URAD: variants seen among roughly 807,000 people sequenced by gnomAD.
URAD encodes the protein ureidoimidazoline (2-oxo-4-hydroxy-4-carboxy-5-) decarboxylase.
Under a neutral mutation model 4.6 loss-of-function variants are expected in URAD, and 4 were observed. The observed-to-expected ratio is 0.87, with a 90% CI of 0.43 to 1.98. URAD has a LOEUF of 1.98. Among genes scored for constraint, URAD ranks in the 30% most tolerant of loss-of-function variants. The probability of loss-of-function intolerance (pLI) is 0.03; values close to 1 mark genes in which losing one functional copy is unlikely to be tolerated. For missense variants in URAD, 300 were observed against 255.3 expected, an observed-to-expected ratio of 1.18 and a Z score of -1.19; for synonymous variants, 144 against 118.2, an observed-to-expected ratio of 1.22 and a Z score of -1.41.
Position 27,977,888 on chromosome 13 carries a change from C to CG in URAD, c.*217_*218insC, listed in dbSNP as rs1335514689. The CG allele has an allele frequency of 2.0e-6, 1 of 490,672 alleles. No homozygotes were observed. Among genetic ancestry groups the CG allele is most frequent in the African/African-American group, 2.0e-5 (1 of 48,784 alleles). 30.4% of individuals were successfully genotyped at this position (490,672 alleles called of 1,614,324 possible). A position where few individuals can be genotyped will look rare whatever the true frequency, so the allele number is the denominator to read the frequency against. The stretch of plus-strand genomic sequence containing the variant: ...TGAGCTGGATAAATCCGGGGCAAAG[C>CG]ACTAAACAATATGGATATTTTGGCA... On this transcript the variant is annotated 3_prime_UTR_variant, in exon 2 of 2. Coordinates refer to ENST00000332715, the MANE Select transcript of URAD (RefSeq NM_001105577.2).
chr13:27,978,439 G>C lies in URAD; in HGVS notation c.189C>G (p.Ile63Met). ...CCGCCAGGTCCGGGTGGCAGCGCAGGATGCCCTCCTGGCCTGCGGAGAAGC... is the reference window on the plus strand; with the variant it reads ...CCGCCAGGTCCGGGTGGCAGCGCAGCATGCCCTCCTGGCCTGCGGAGAAGC... ...DALAQSGQEGILRCHPDLAGS... is the reference protein window; with the variant it reads ...DALAQSGQEGMLRCHPDLAGS... The change falls in exon 2 of 2, where the codon ATC (isoleucine) becomes ATG (methionine). Residue 63 changes from isoleucine (I) to methionine (M), a missense_variant. By Grantham distance (10) the Ile-to-Met change is conservative. Coordinates refer to ENST00000332715, the MANE Select transcript of URAD (RefSeq NM_001105577.2). 7.3e-7 allele frequency: 1 copy of C among 1,362,842 alleles called. No homozygotes were observed. Among genetic ancestry groups the C allele is most frequent in the South Asian group, 1.8e-5 (1 of 55,620 alleles). The allele number at this position is 1,362,842 out of a possible 1,614,324, so 84.4% of individuals were successfully genotyped here.
intron 1 of URAD, among the ~76,000 whole-genome samples, chr13:27,979,244 A>G (rs1218137804): frequency 6.6e-6 from 1 of 152,156 alleles, no homozygotes; most frequent in Non-Finnish European, 1.5e-5. Context: ...TGTAGATCCC[A>G]GAGGCCCCAG....
chr13:27,983,597 CTTAAA>C (rs1176289442), intron 1 of URAD, among the ~76,000 whole-genome samples: 1 of 152,124 alleles, frequency 6.6e-6, no homozygotes, highest in Non-Finnish European at 1.5e-5. Context: ...TGGTCTTAAA[CTTAAA>C]TTAACCTCCT....
chr13:27,979,450 G>A (rs1474147697), intron 1 of URAD, among the ~76,000 whole-genome samples: 1 of 152,208 alleles, frequency 6.6e-6, no homozygotes, highest in African/African-American at 2.4e-5. Flanking sequence ...TGAGCAGGGC[G>A]CTATGATTTG....
chr13:27,983,480 C>A (rs907278845), intron 1 of URAD, among the ~76,000 whole-genome samples: 6 of 152,126 alleles, frequency 3.9e-5, no homozygotes, highest in African/African-American at 1.4e-4. Flanking sequence ...CCATCTGCCT[C>A]ATCCTCCCAA....
intron 1 of URAD, among the ~76,000 whole-genome samples, chr13:27,986,908 C>T (rs1170574670): frequency 6.6e-6 from 1 of 152,154 alleles, no homozygotes; most frequent in Non-Finnish European, 1.5e-5. Flanking sequence ...AGTCAAGGGT[C>T]AGAAAGCTCC....
At chr13:27,988,255 CG>C (rs74605733) in intron 1 of URAD, among the ~76,000 whole-genome samples, 36,952 of 152,022 alleles carry the variant, frequency 0.24, 5,741 homozygotes, top group South Asian at 0.59. Context: ...CCAACACGCC[CG>C]GCCTAAAAGC....
intron 1 of URAD, among the ~76,000 whole-genome samples, chr13:27,981,622 A>G (rs1269713743): frequency 6.6e-6 from 1 of 152,168 alleles, no homozygotes; most frequent in Admixed American, 6.5e-5. Flanking sequence ...ATGGAAGCTC[A>G]GAATCCCGTA....
intron 1 of URAD, 126 bp downstream of exon 1, chr13:27,988,337 C>T: frequency 1.1e-6 from 1 of 909,708 alleles, no homozygotes; most frequent in East Asian, 2.8e-5. Flanking sequence ...AGTGATCCTC[C>T]CATCTCAGCC....
At chr13:27,980,842 C>G (rs997306074) in intron 1 of URAD, among the ~76,000 whole-genome samples, 6 of 151,914 alleles carry the variant, frequency 3.9e-5, no homozygotes, top group Admixed American at 3.3e-4. Flanking sequence ...GAGTTTGTCT[C>G]CCGCTTGGAA....
rs1322119854 is a variant in URAD at position 27,980,700 on chromosome 13, C to G, written c.176-2248G>C. The stretch of plus-strand genomic sequence containing the variant: ...GAGGTCCGGGCGCGGGGTCTGTCGT[C>G]TTGCCGCCCCCACCAGGCTCCCCGC... On this transcript the variant is annotated intron_variant, in intron 1 of 1. Transcript: ENST00000332715. Among the ~76,000 whole-genome samples, 3 of 152,192 alleles carry G rather than the reference C, an allele frequency of 2.0e-5. No homozygotes were observed. In the East Asian group the frequency reaches 5.8e-4, roughly 30 times the overall value.
Position 27,978,333 on chromosome 13 carries a change from C to G in URAD, c.295G>C (p.Asp99His). 1 of 1,395,022 alleles carries G rather than the reference C, an allele frequency of 7.2e-7. No individual in the cohort carries two copies. 86.4% of individuals were successfully genotyped at this position (1,395,022 alleles called of 1,614,324 possible). ...SGAGLRSLGADERLRLAELNA... is the reference protein window; with the variant it reads ...SGAGLRSLGAHERLRLAELNA... ...AGCTCGGCCAGCCGCAGCCGCTCGTCCGCGCCCAGGCTCCTCAGGCCTGCG... is the reference window on the plus strand; with the variant it reads ...AGCTCGGCCAGCCGCAGCCGCTCGTGCGCGCCCAGGCTCCTCAGGCCTGCG... Residue 99 changes from aspartate (D) to histidine (H), a missense_variant, in exon 2 of 2, where the codon GAC becomes CAC. Physicochemically the swap from Asp to His is moderately conservative, Grantham distance 81 (BLOSUM62 -1). Coordinates refer to ENST00000332715, the MANE Select transcript of URAD (RefSeq NM_001105577.2).
At chr13:27,985,970 A>G (rs960653297) in intron 1 of URAD, among the ~76,000 whole-genome samples, 1 of 152,188 alleles carries the variant, frequency 6.6e-6, no homozygotes, top group African/African-American at 2.4e-5. Flanking sequence ...CACCATTGAT[A>G]ACATCACTTG....
At chr13:27,979,568 A>G (rs1459936919) in intron 1 of URAD, among the ~76,000 whole-genome samples, 1 of 152,238 alleles carries the variant, frequency 6.6e-6, no homozygotes, top group African/African-American at 2.4e-5. Flanking sequence ...AGTCATTATT[A>G]GTTGTAGTAA....
intron 1 of URAD, among the ~76,000 whole-genome samples, chr13:27,987,532 A>C (rs1459897487): frequency 1.3e-5 from 2 of 152,156 alleles, no homozygotes; most frequent in Non-Finnish European, 2.9e-5. Context: ...GTGGTACAAA[A>C]GTCAGCCGAT....
At chr13:27,980,529 G>C (rs527937196) in intron 1 of URAD, among the ~76,000 whole-genome samples, 1 of 152,314 alleles carries the variant, frequency 6.6e-6, no homozygotes, top group East Asian at 1.9e-4. Flanking sequence ...AGTCTTGGGC[G>C]GCTGGACCTT....
At chr13:27,982,821 G>C (rs1712567497) in intron 1 of URAD, among the ~76,000 whole-genome samples, 3 of 152,104 alleles carry the variant, frequency 2.0e-5, no homozygotes, top group Admixed American at 6.5e-5. Context: ...ACTTAGGAGT[G>C]ACCATTCAGC....
At chr13:27,984,516 G>T (rs1566042884) in intron 1 of URAD, among the ~76,000 whole-genome samples, 1 of 152,134 alleles carries the variant, frequency 6.6e-6, no homozygotes, top group South Asian at 2.1e-4. Context: ...ACCCAGTTTT[G>T]TTTTCTGTTA....
At chr13:27,982,285 T>G (rs569685253) in intron 1 of URAD, among the ~76,000 whole-genome samples, 2 of 152,192 alleles carry the variant, frequency 1.3e-5, no homozygotes, top group South Asian at 4.2e-4. Context: ...AAAAATTAGC[T>G]GGGCATAGTG....
Sources: gnomAD v4.1 joint callset for allele counts (sites outside exome capture counted in the v4.1 genomes callset) on GRCh38, gnomAD v4.1.1 for gene constraint, MANE v1.5 for transcripts, NCBI Gene and HGNC (gene_info 2026-07-23, HGNC 2026-07-21) for gene names.